The following TMC1 variants were observed in gnomAD, a reference collection of about 807,000 sequenced individuals.
The protein encoded by TMC1 is transmembrane channel like 1.
In TMC1, 84 loss-of-function variants were observed where a neutral mutation model predicts 105.8. The ratio of observed to expected loss-of-function variants is 0.79; its 90% CI spans 0.67 to 0.95. The LOEUF (loss-of-function observed/expected upper bound fraction) is 0.95, where lower values mean the gene tolerates loss of function less well. Ranked by LOEUF, TMC1 falls within the 40% of genes least tolerant of loss-of-function variation. TMC1 has a pLI of 0.00. For missense variants in TMC1, 817 were observed against 914.1 expected (o/e 0.89, Z 1.37); for synonymous variants, 315 against 311.5 (o/e 1.01, Z -0.12).
intron 18 of TMC1, among the ~76,000 whole-genome samples, chr9:72,808,338 T>C (rs1247732280): frequency 6.6e-6 from 1 of 152,244 alleles, no homozygotes; most frequent in Non-Finnish European, 1.5e-5. Context: ...GCCCTAGAGC[T>C]AGGAATGGCT....
intron 2 of TMC1, chr9:72,607,900 G>A (rs1339441818): frequency 6.6e-6 from 1 of 152,304 alleles, no homozygotes; most frequent in Non-Finnish European, 1.5e-5. Context: ...GAGGGAGCAA[G>A]AATGAAGGGG....
intron 7 of TMC1, among the ~76,000 whole-genome samples, chr9:72,697,633 G>T (rs925271583): frequency 7.2e-5 from 11 of 152,010 alleles, no homozygotes; most frequent in Admixed American, 2.6e-4. Context: ...TAGTTACCTG[G>T]CAAATCCACA....
chr9:72,734,790 G>A (rs1471094851), intron 8 of TMC1, among the ~76,000 whole-genome samples: 1 of 152,118 alleles, frequency 6.6e-6, no homozygotes, highest in Non-Finnish European at 1.5e-5. Flanking sequence ...TCTTTCATTT[G>A]CTTGAGCAAT....
At position 72,830,530 on chromosome 9, in the gene TMC1, G is replaced by T; in HGVS notation, c.2208+1G>T. ...GGATCTCAAAAAGAAGATGAAAATGGTATGATACAATTTATTTCATAGAAA... is the reference window on the plus strand; with the variant it reads ...GGATCTCAAAAAGAAGATGAAAATGTTATGATACAATTTATTTCATAGAAA... On this transcript the variant is annotated splice_donor_variant, in intron 22 of 23. Transcript: ENST00000297784. LOFTEE classifies it high-confidence loss of function. The T allele has an allele frequency of 6.2e-7, 1 of 1,611,988 alleles. No individual in the cohort carries two copies. Among genetic ancestry groups the T allele is most frequent in the African/African-American group, 1.3e-5 (1 of 74,958 alleles).
At chr9:72,722,663 A>G (rs1232333250) in intron 8 of TMC1, among the ~76,000 whole-genome samples, 1 of 152,030 alleles carries the variant, frequency 6.6e-6, no homozygotes, top group Admixed American at 6.6e-5. Context: ...TTTAATTAAT[A>G]TTTTCTGTGT....
intron 17 of TMC1, among the ~76,000 whole-genome samples, chr9:72,797,542 T>C (rs1828392622): frequency 1.3e-5 from 2 of 151,990 alleles, no homozygotes; most frequent in South Asian, 2.1e-4. Flanking sequence ...TGGAACAGAA[T>C]AGATAACTTA....
At chr9:72,752,314 A>G (rs1275962765) in intron 11 of TMC1, among the ~76,000 whole-genome samples, 2 of 152,142 alleles carry the variant, frequency 1.3e-5, no homozygotes, top group African/African-American at 2.4e-5. Flanking sequence ...TGTGAGTTGT[A>G]TTTCTTTATT....
intron 18 of TMC1, among the ~76,000 whole-genome samples, chr9:72,815,135 C>T (rs1236988896): frequency 6.6e-6 from 1 of 152,066 alleles, no homozygotes; most frequent in Non-Finnish European, 1.5e-5. Flanking sequence ...GATTCTCTAT[C>T]CCAAATTAAA....
Position 72,837,182 on chromosome 9 carries a change from C to G in TMC1, c.*1209C>G, listed in dbSNP as rs1042239555. The stretch of plus-strand genomic sequence containing the variant: ...GTGCCTGCTCACTTGTGACGTTTTC[C>G]CTTACCATCCAGCGTTCCTGGAGGA... On this transcript the variant is annotated 3_prime_UTR_variant, in exon 24 of 24. Coordinates refer to ENST00000297784, the MANE Select transcript of TMC1 (RefSeq NM_138691.3). 9.9e-5 allele frequency: 15 copies of G among 152,144 alleles called. No individual in the cohort carries two copies. The highest frequency in any genetic ancestry group is 3.9e-4 in the Admixed American group (6 of 15,270). The allele number at this position is 152,144 out of a possible 1,614,324, so 9.4% of individuals were successfully genotyped here.
At chr9:72,729,922 AT>A (rs1358047208) in intron 8 of TMC1, among the ~76,000 whole-genome samples, 1 of 152,208 alleles carries the variant, frequency 6.6e-6, no homozygotes, top group Non-Finnish European at 1.5e-5. Flanking sequence ...CAAACAGGGA[AT>A]TATCTAATAG....
intron 8 of TMC1, among the ~76,000 whole-genome samples, chr9:72,709,977 T>C (rs1203907178): frequency 6.6e-6 from 1 of 152,184 alleles, no homozygotes. Context: ...TCAGACTTTT[T>C]GGTGTAGGCA....
intron 12 of TMC1, among the ~76,000 whole-genome samples, chr9:72,760,900 C>T (rs1195957198): frequency 6.6e-6 from 1 of 152,100 alleles, no homozygotes; most frequent in Non-Finnish European, 1.5e-5. Context: ...AAGCGCAGTG[C>T]TCTGTGACTT....
intron 2 of TMC1, among the ~76,000 whole-genome samples, chr9:72,611,132 G>A (rs948935687): frequency 6.6e-6 from 1 of 152,140 alleles, no homozygotes; most frequent in Non-Finnish European, 1.5e-5. Context: ...AAAATTCTAC[G>A]TATATTCCTT....
intron 17 of TMC1, among the ~76,000 whole-genome samples, chr9:72,803,336 A>G (rs187861757): frequency 6.6e-6 from 1 of 152,302 alleles, no homozygotes; most frequent in East Asian, 1.9e-4. Flanking sequence ...AGATTTCAAG[A>G]CGAAAACATC....
chr9:72,763,152 A>G (rs142313655), intron 12 of TMC1, among the ~76,000 whole-genome samples: 4 of 142,402 alleles, frequency 2.8e-5, no homozygotes, highest in African/African-American at 1.1e-4. Context: ...CTCAGGCTAC[A>G]CTTGGCCAAA....
intron 1 of TMC1, among the ~76,000 whole-genome samples, chr9:72,576,772 G>T (rs1824389211): frequency 6.6e-6 from 1 of 151,966 alleles, no homozygotes; most frequent in Non-Finnish European, 1.5e-5. Flanking sequence ...GGGATTGCAG[G>T]CATGCGCCAC....
At chr9:72,646,190 ATTT>A (rs1669508134) in intron 4 of TMC1, among the ~76,000 whole-genome samples, 1 of 152,112 alleles carries the variant, frequency 6.6e-6, no homozygotes. Context: ...ATTTTGCAAT[ATTT>A]TTGTTATTGT....
chr9:72,609,678 A>G (rs1389266211), intron 2 of TMC1, among the ~76,000 whole-genome samples: 1 of 152,212 alleles, frequency 6.6e-6, no homozygotes, highest in African/African-American at 2.4e-5. Flanking sequence ...ACCTTTATAC[A>G]TCAATAATTT....
chr9:72,775,290 C>T (rs760421096), intron 13 of TMC1, among the ~76,000 whole-genome samples: 45 of 151,226 alleles, frequency 3.0e-4, no homozygotes, highest in Admixed American at 6.6e-4. Flanking sequence ...GGTCAGTGTA[C>T]ATTTTCAACC....
Sources: gnomAD v4.1 joint callset for allele counts (sites outside exome capture counted in the v4.1 genomes callset) on GRCh38, gnomAD v4.1.1 for gene constraint, MANE v1.5 for transcripts, NCBI Gene and HGNC (gene_info 2026-07-23, HGNC 2026-07-21) for gene names.